The following GRIK2 variants were observed in gnomAD, a reference collection of about 807,000 sequenced individuals.
GRIK2 encodes glutamate receptor ionotropic, kainate 2.
GRIK2 carries 32 observed loss-of-function variants against 100.3 expected under a neutral mutation model. The observed-to-expected ratio is 0.32, with a 90% CI of 0.24 to 0.43. GRIK2 has a LOEUF of 0.43. GRIK2 is among the 20% of genes least tolerant of loss of function. The pLI, the probability that GRIK2 is intolerant of heterozygous loss-of-function variation, is 1.00. For synonymous variants in GRIK2, 417 were observed against 389.4 expected, an observed-to-expected ratio of 1.07 and a Z score of -0.83; for missense variants, 843 against 1,114.9, an observed-to-expected ratio of 0.76 and a Z score of 3.47.
At chr6:101,779,616 G>T (rs1350580726) in intron 7 of GRIK2, among the ~76,000 whole-genome samples, 2 of 152,142 alleles carry the variant, frequency 1.3e-5, no homozygotes, top group Non-Finnish European at 2.9e-5. Flanking sequence ...CATTCCAGTT[G>T]ACAGGCGTCT....
intron 14 of GRIK2, among the ~76,000 whole-genome samples, chr6:101,950,975 A>G (rs141402369): frequency 1.3e-5 from 2 of 152,310 alleles, no homozygotes; most frequent in East Asian, 1.9e-4. Flanking sequence ...TATTTTTAAT[A>G]AAGTTTAAGC....
At chr6:101,704,968 A>T (rs1293750897) in intron 7 of GRIK2, among the ~76,000 whole-genome samples, 1 of 147,176 alleles carries the variant, frequency 6.8e-6, no homozygotes, top group East Asian at 2.0e-4. Flanking sequence ...TAACTTTCAT[A>T]TATATTTATA....
At chr6:101,708,789 A>C (rs766582941) in intron 7 of GRIK2, among the ~76,000 whole-genome samples, 1 of 151,776 alleles carries the variant, frequency 6.6e-6, no homozygotes, top group Non-Finnish European at 1.5e-5. Context: ...CTTGTCTAAC[A>C]GTTTTCCAGT....
intron 12 of GRIK2, among the ~76,000 whole-genome samples, chr6:101,893,555 A>G (rs9498740): frequency 0.84 from 127,210 of 151,280 alleles, 53,715 homozygotes; most frequent in East Asian, 0.95. Flanking sequence ...CATTTCTGTT[A>G]TTATTATTAC....
intron 2 of GRIK2, among the ~76,000 whole-genome samples, chr6:101,578,719 G>A (rs186274386): frequency 2.2e-4 from 34 of 152,112 alleles, no homozygotes; most frequent in African/African-American, 7.7e-4. Context: ...GCTTCATGGG[G>A]TGCTTTTCTA....
chr6:101,718,418 T>C (rs1199642418), intron 7 of GRIK2, among the ~76,000 whole-genome samples: 1 of 151,898 alleles, frequency 6.6e-6, no homozygotes, highest in Non-Finnish European at 1.5e-5. Flanking sequence ...AGGTCAGACA[T>C]TCAGATCTTA....
intron 7 of GRIK2, among the ~76,000 whole-genome samples, chr6:101,746,681 C>A (rs764269357): frequency 2.0e-5 from 3 of 152,144 alleles, no homozygotes; most frequent in Non-Finnish European, 4.4e-5. Context: ...CCATTTTCTT[C>A]TTCAAATTGA....
At chr6:101,809,379 A>G (rs1180897369) in intron 9 of GRIK2, among the ~76,000 whole-genome samples, 2 of 152,136 alleles carry the variant, frequency 1.3e-5, no homozygotes, top group African/African-American at 2.4e-5. Context: ...AATCTTTACT[A>G]TTGACCTTTC....
intron 15 of GRIK2, among the ~76,000 whole-genome samples, chr6:102,054,732 A>T (rs998532358): frequency 4.6e-5 from 7 of 152,158 alleles, no homozygotes; most frequent in Admixed American, 2.6e-4. Context: ...ATGCCCCTTG[A>T]TTTATAAAGT....
intron 12 of GRIK2, among the ~76,000 whole-genome samples, chr6:101,897,801 G>C (rs1236795404): frequency 6.6e-6 from 1 of 151,738 alleles, no homozygotes; most frequent in Non-Finnish European, 1.5e-5. Context: ...TCATAAAAAG[G>C]CAATTGTCTT....
chr6:102,053,868 T>A (rs1342403540), intron 15 of GRIK2, among the ~76,000 whole-genome samples: 2 of 152,108 alleles, frequency 1.3e-5, no homozygotes, highest in Non-Finnish European at 2.9e-5. Flanking sequence ...CAGTGAGTGA[T>A]CAAGACAGAA....
intron 3 of GRIK2, among the ~76,000 whole-genome samples, chr6:101,624,735 G>A (rs1342159670): frequency 1.3e-5 from 2 of 151,840 alleles, no homozygotes; most frequent in East Asian, 3.9e-4. Context: ...TTTCAACATG[G>A]TTTACTTTTT....
chr6:101,716,827 T>C (rs1403511685), intron 7 of GRIK2, among the ~76,000 whole-genome samples: 1 of 151,798 alleles, frequency 6.6e-6, no homozygotes, highest in African/African-American at 2.4e-5. Flanking sequence ...TCCCATTTTA[T>C]AGCTAAAAAC....
intron 10 of GRIK2, among the ~76,000 whole-genome samples, chr6:101,851,089 G>A (rs1041214583): frequency 6.6e-6 from 1 of 151,948 alleles, no homozygotes; most frequent in Admixed American, 6.6e-5. Context: ...TTGACATTGT[G>A]GAGATCCATA....
intron 2 of GRIK2, among the ~76,000 whole-genome samples, chr6:101,401,941 C>A (rs1775330465): frequency 6.6e-6 from 1 of 152,092 alleles, no homozygotes; most frequent in Non-Finnish European, 1.5e-5. Flanking sequence ...CGTGGCTAGG[C>A]GCCGGCAGCC....
At chr6:101,499,597 G>C (rs1385822771) in intron 2 of GRIK2, among the ~76,000 whole-genome samples, 1 of 151,994 alleles carries the variant, frequency 6.6e-6, no homozygotes, top group Non-Finnish European at 1.5e-5. Context: ...AGAAAGTTAA[G>C]TTTCCAGAAA....
At chr6:101,626,288 T>G in intron 3 of GRIK2, 92 bp from the exon 4 acceptor site, 1 of 1,119,080 alleles carries the variant, frequency 8.9e-7, no homozygotes. Flanking sequence ...TTCTTGAGAA[T>G]GATACCTTTG....
chr6:101,906,852 G>T (rs1788266258), intron 12 of GRIK2, among the ~76,000 whole-genome samples: 1 of 151,746 alleles, frequency 6.6e-6, no homozygotes, highest in Admixed American at 6.6e-5. Flanking sequence ...CTAGAGTGTG[G>T]TAGCACAGCA....
intron 14 of GRIK2, among the ~76,000 whole-genome samples, chr6:102,012,329 G>C (rs2114320804): frequency 6.6e-6 from 1 of 151,472 alleles, no homozygotes; most frequent in East Asian, 2.0e-4. Flanking sequence ...GAGTATTATG[G>C]GCCTTTTGCC....
Sources: gnomAD v4.1 joint callset for allele counts (sites outside exome capture counted in the v4.1 genomes callset) on GRCh38, gnomAD v4.1.1 for gene constraint, MANE v1.5 for transcripts, NCBI Gene and HGNC (gene_info 2026-07-23, HGNC 2026-07-21) for gene names.